Variants in ALG8 observed in about 807,000 individuals in gnomAD.
The protein encoded by ALG8 is dolichyl pyrophosphate Glc1Man9GlcNAc2 alpha-1,3-glucosyltransferase.
Under a neutral mutation model 70.2 loss-of-function variants are expected in ALG8, and 48 were observed. The observed-to-expected ratio is 0.68, with a 90% CI of 0.54 to 0.87. ALG8 has a LOEUF of 0.87. ALG8 is among the 40% of genes least tolerant of loss of function. The pLI is 0.00. For synonymous variants in ALG8, 234 were observed against 229.0 expected (o/e 1.02, Z -0.20); for missense variants, 572 against 608.7 (o/e 0.94, Z 0.64).
intron 9 of ALG8, among the ~76,000 whole-genome samples, chr11:78,108,687 T>A (rs1590809614): frequency 6.6e-6 from 1 of 152,188 alleles, no homozygotes; most frequent in African/African-American, 2.4e-5. Context: ...TTAGGAAAAA[T>A]GTTTTACCTC....
intron 5 of ALG8, among the ~76,000 whole-genome samples, chr11:78,117,203 G>A (rs1361820468): frequency 1.3e-5 from 2 of 152,098 alleles, no homozygotes; most frequent in Non-Finnish European, 1.5e-5. Context: ...GGAAAATGAG[G>A]CTAGGAGGGT....
chr11:78,124,196 A>G lies in ALG8; in HGVS notation c.193T>C (p.Leu65=). 6.2e-7 allele frequency: 1 copy of G among 1,614,226 alleles called. No homozygotes were observed. ...CATGCAAAGAAAGGGGGGTAATCCA[A>G]CGTCCACTCTGAAGTTGCCTGTGAT... ...WYYEATSEWT[L]DYPPFFAWFE... is the part of the protein sequence containing the mutation. Residue 65 remains leucine (L), a synonymous_variant, in exon 3 of 13, where the codon TTG becomes CTG. Transcript: ENST00000299626.
At position 78,114,020 on chromosome 11, in the gene ALG8, G is replaced by A. The variant is rs61566223; in HGVS notation, c.674-31C>T. 21,529 of 1,553,274 alleles carry A rather than the reference G, an allele frequency of 0.014. 2,285 individuals carry two copies. The African/African-American group carries it at 0.25, about 18-fold the overall frequency. On this transcript the variant is annotated intron_variant, in intron 6 of 12. Transcript: ENST00000299626. ...GAAAAGGAACATTATCAGTAACCAG[G>A]AAGATGGAAAGGAACATTAACCATA... is the stretch of plus-strand genomic sequence containing the variant.
intron 1 of ALG8, among the ~76,000 whole-genome samples, chr11:78,138,514 G>A (rs1020067600): frequency 6.6e-6 from 1 of 152,064 alleles, no homozygotes; most frequent in East Asian, 1.9e-4. Flanking sequence ...GCATCAGTAT[G>A]GACTTACATT....
Position 78,121,087 on chromosome 11 carries a change from G to C in ALG8, c.456C>G (p.Asn152Lys). 1 of 1,613,812 alleles carries C rather than the reference G, an allele frequency of 6.2e-7. No individual in the cohort carries two copies. The highest frequency in any genetic ancestry group is 1.7e-4 in the Middle Eastern group (1 of 6,060). Reference protein sequence around the residue: ...KFILSVLLLWNFGLLIVDHIH... With the variant: ...KFILSVLLLWKFGLLIVDHIH... ...TACGGTCCACAATTAATAACCCGAA[G>C]TTCCACAGAAGTAATACCGACAGAA... The change falls in exon 4 of 13, where the codon AAC (asparagine) becomes AAG (lysine). Residue 152 changes from asparagine (N) to lysine (K), a missense_variant. Coordinates refer to ENST00000299626, the MANE Select transcript of ALG8 (RefSeq NM_024079.5).
chr11:78,109,525 C>T lies in ALG8; in HGVS notation c.955G>A (p.Gly319Ser), dbSNP rs770011112. Reference protein sequence around the residue: ...NNIPKASMTSGLVQQFQHTVL... With the variant: ...NNIPKASMTSSLVQQFQHTVL... ...GTGTGTTGGAACTGCTGAACCAAAC[C>T]ACTTGTCATTGAGGCCTTGGGAATA... Residue 319 changes from glycine to serine, a missense_variant, in exon 9 of 13, where the codon GGT becomes AGT. Coordinates refer to ENST00000299626, the MANE Select transcript of ALG8 (RefSeq NM_024079.5). 4.3e-6 allele frequency: 7 copies of T among 1,613,856 alleles called. No individual in the cohort carries two copies. In the South Asian group the frequency reaches 6.6e-5, roughly 15 times the overall value.
intron 1 of ALG8, among the ~76,000 whole-genome samples, chr11:78,129,256 T>C (rs1861204258): frequency 6.6e-6 from 1 of 151,372 alleles, no homozygotes; most frequent in Non-Finnish European, 1.5e-5. Context: ...CCATCTCTAG[T>C]AAAAATATAA....
rs1285112267 is a variant in ALG8 at position 78,106,887 on chromosome 11, T to TA, written c.1097dup (p.Thr367AsnfsTer16). 6.2e-7 allele frequency: 1 copy of TA among 1,614,002 alleles called. No individual in the cohort carries two copies. Among genetic ancestry groups the TA allele is most frequent in the African/African-American group, 1.3e-5 (1 of 74,894 alleles). The stretch of plus-strand genomic sequence containing the variant: ...TAAAGGAGCTCAAGGCACAAAGAGT[T>TA]AGACATCGGAGAAAGCCTCTGGGCC... On this transcript the variant is annotated frameshift_variant, in exon 10 of 13. Coordinates refer to ENST00000299626, the MANE Select transcript of ALG8 (RefSeq NM_024079.5). LOFTEE classifies it high-confidence loss of function.
rs1241742397 is a variant in ALG8 at position 78,139,476 on chromosome 11, G to A, written c.95+18C>T. 6.4e-7 allele frequency: 1 copy of A among 1,553,024 alleles called. No individual in the cohort carries two copies. The highest frequency in any genetic ancestry group is 2.4e-5 in the East Asian group (1 of 41,086). ...GCGGGGCCTCCCCGCCCAGCCCCTG[G>A]CCGTGCGAGTCCCTTACTATGTGGG... On this transcript the variant is annotated intron_variant, in intron 1 of 12. Coordinates refer to ENST00000299626, the MANE Select transcript of ALG8 (RefSeq NM_024079.5).
At chr11:78,132,033 T>A (rs1208786907) in intron 1 of ALG8, among the ~76,000 whole-genome samples, 1 of 152,188 alleles carries the variant, frequency 6.6e-6, no homozygotes, top group African/African-American at 2.4e-5. Context: ...CTCACCATCC[T>A]CCCACCTGTC....
In ALG8 at chr11:78,106,895, G is replaced by A. The variant is rs376161880; in HGVS notation, c.1090C>T (p.Arg364Ter). 8.2e-5 allele frequency: 133 copies of A among 1,614,060 alleles called. No individual in the cohort carries two copies. The highest frequency in any genetic ancestry group is 1.0e-4 in the Non-Finnish European group (118 of 1,179,986). ...CTCAAGGCACAAAGAGTTAGACATC[G>A]GAGAAAGCCTCTGGGCCCTTGGGGT... is the stretch of plus-strand genomic sequence containing the variant. ...FKPQGPRGFL[R>*]CLTLCALSSF... Residue 364 changes from arginine (R) to a stop codon, truncating the protein, a stop_gained, in exon 10 of 13, where the codon CGA (arginine) becomes TGA (stop). Coordinates refer to ENST00000299626, the MANE Select transcript of ALG8 (RefSeq NM_024079.5). LOFTEE classifies it high-confidence loss of function.
Position 78,139,557 on chromosome 11 carries a change from C to G in ALG8, c.32G>C (p.Gly11Ala), listed in dbSNP as rs538716086. Residue 11 changes from glycine (G) to alanine (A), a missense_variant, in exon 1 of 13, where the codon GGC becomes GCC. By Grantham distance (60) the Gly-to-Ala change is moderately conservative. Transcript: ENST00000299626. Reference sequence around the variant, plus strand: ...GAGCGCCAAAGCCGAAAACCAATTGCCAGTACCCGTGGCAATTGTGAGCGC... The same window carrying G: ...GAGCGCCAAAGCCGAAAACCAATTGGCAGTACCCGTGGCAATTGTGAGCGC... MAALTIATGT[G>A]NWFSALALGV... 189 of 1,561,088 alleles carry G rather than the reference C, an allele frequency of 1.2e-4. 3 individuals are homozygous for G. In the South Asian group the frequency reaches 2.2e-3, roughly 18 times the overall value.
At chr11:78,129,072 C>T (rs1020703967) in intron 1 of ALG8, among the ~76,000 whole-genome samples, 2 of 152,194 alleles carry the variant, frequency 1.3e-5, no homozygotes, top group Admixed American at 6.5e-5. Flanking sequence ...AGTCTAAGTA[C>T]GTATACCCAA....
At chr11:78,110,633 C>A in intron 8 of ALG8, among the ~76,000 whole-genome samples, 1 of 152,138 alleles carries the variant, frequency 6.6e-6, no homozygotes, top group Admixed American at 6.5e-5. Context: ...TCAATAAATA[C>A]TTGGTTATTA....
At chr11:78,106,496 C>T (rs1860038733) in intron 10 of ALG8, among the ~76,000 whole-genome samples, 1 of 152,198 alleles carries the variant, frequency 6.6e-6, no homozygotes, top group Admixed American at 6.5e-5. Context: ...CGCGCCCGGC[C>T]AGCCCAGGTT....
chr11:78,124,580 A>T (rs1860980848), intron 2 of ALG8, among the ~76,000 whole-genome samples: 1 of 152,240 alleles, frequency 6.6e-6, no homozygotes, highest in South Asian at 2.1e-4. Context: ...CATGGTCTTC[A>T]ATTTCCTTAA....
chr11:78,111,669 C>A (rs1165502334), intron 8 of ALG8, among the ~76,000 whole-genome samples: 1 of 152,116 alleles, frequency 6.6e-6, no homozygotes, highest in Non-Finnish European at 1.5e-5. Flanking sequence ...CTGTGTGTGG[C>A]CTGCATAGCT....
intron 10 of ALG8, 76 bp downstream of exon 10, chr11:78,106,728 CAAG>C: frequency 6.3e-7 from 1 of 1,588,888 alleles, no homozygotes; most frequent in African/African-American, 1.3e-5. Flanking sequence ...GTGAACATGA[CAAG>C]AAGGGACAGA....
At chr11:78,103,624 G>A (rs777499468) in intron 12 of ALG8, among the ~76,000 whole-genome samples, 1 of 152,068 alleles carries the variant, frequency 6.6e-6, no homozygotes, top group East Asian at 1.9e-4. Flanking sequence ...GCAAAACTCC[G>A]TCTCAAAAAA....
Sources: allele counts gnomAD v4.1 joint callset (sites outside exome capture counted in the v4.1 genomes callset), GRCh38; gene constraint gnomAD v4.1.1; transcripts MANE v1.5; gene names NCBI Gene and HGNC (gene_info 2026-07-23, HGNC 2026-07-21).